INTS9: variants seen among roughly 807,000 people sequenced by gnomAD.
The protein encoded by INTS9 is integrator complex subunit 9.
INTS9 carries 55 observed loss-of-function variants against 79.7 expected under a neutral mutation model. That is an observed-to-expected ratio of 0.69 (90% CI 0.56 to 0.86). INTS9 has a LOEUF of 0.86. INTS9 is among the 40% of genes least tolerant of loss of function. The probability of loss-of-function intolerance (pLI) is 0.00; values close to 1 mark genes in which losing one functional copy is unlikely to be tolerated. For missense variants in INTS9, 721 were observed against 831.5 expected (o/e 0.87, Z 1.64); for synonymous variants, 319 against 325.2 (o/e 0.98, Z 0.20).
intron 7 of INTS9, 145 bp downstream of exon 7, chr8:28,813,347 C>T (rs1182124232): frequency 2.4e-5 from 19 of 788,840 alleles, no homozygotes; most frequent in Non-Finnish European, 3.6e-5. Flanking sequence ...TAAAATCCTG[C>T]GCGGAACGGA....
chr8:28,845,602 T>C (rs1807460097), intron 4 of INTS9, among the ~76,000 whole-genome samples: 1 of 152,216 alleles, frequency 6.6e-6, no homozygotes, highest in Non-Finnish European at 1.5e-5. Flanking sequence ...GTTGCAGTAG[T>C]TGGCGTGACA....
intron 14 of INTS9, among the ~76,000 whole-genome samples, chr8:28,775,394 T>A (rs1802806854): frequency 6.6e-6 from 1 of 152,244 alleles, no homozygotes; most frequent in African/African-American, 2.4e-5. Context: ...TGGAGTGCAG[T>A]GGTGTGATCT....
intron 15 of INTS9, among the ~76,000 whole-genome samples, chr8:28,770,284 T>C (rs1038010983): frequency 2.6e-5 from 4 of 152,266 alleles, no homozygotes; most frequent in Non-Finnish European, 5.9e-5. Flanking sequence ...TTTTAAATTT[T>C]CAGGTGGTTC....
intron 1 of INTS9, among the ~76,000 whole-genome samples, chr8:28,873,484 T>C (rs1310408235): frequency 6.6e-6 from 1 of 152,164 alleles, no homozygotes; most frequent in Admixed American, 6.5e-5. Context: ...AGACATAAGG[T>C]ATAGTTCCAT....
intron 2 of INTS9, among the ~76,000 whole-genome samples, chr8:28,854,541 T>C (rs147072436): frequency 1.3e-5 from 2 of 152,268 alleles, no homozygotes; most frequent in African/African-American, 4.8e-5. Context: ...CAAGGTGCAG[T>C]GTTGCAGGCA....
At position 28,793,934 on chromosome 8, in the gene INTS9, C is replaced by G; in HGVS notation, c.910G>C (p.Val304Leu). ...NVLVPCYPSG[V>L]IYDLLECLYQ... is the part of the protein sequence containing the mutation. ...AGGCACTCCAGGAGGTCATAGATCA[C>G]TCCAGAAGGGTAGCAGGGAACCAAC... is the stretch of plus-strand genomic sequence containing the variant. Residue 304 changes from valine (V) to leucine (L), a missense_variant, in exon 10 of 17, where the codon GTG becomes CTG. By Grantham distance (32) the Val-to-Leu change is conservative. Around this residue, in one of 3 missense-constraint regions of INTS9, gnomAD observed 149 missense variants for 223.7 expected, o/e 0.67. Coordinates refer to ENST00000521022, the MANE Select transcript of INTS9 (RefSeq NM_018250.4). 6.2e-7 allele frequency: 1 copy of G among 1,612,942 alleles called. No homozygotes were observed. Among genetic ancestry groups the G allele is most frequent in the Non-Finnish European group, 8.5e-7 (1 of 1,179,346 alleles).
At chr8:28,841,784 T>C (rs138178260) in intron 4 of INTS9, among the ~76,000 whole-genome samples, 1 of 152,244 alleles carries the variant, frequency 6.6e-6, no homozygotes, top group African/African-American at 2.4e-5. Flanking sequence ...AAAGAAAACG[T>C]TATTAAGAAA....
At chr8:28,781,139 C>T in intron 11 of INTS9, 145 bp from the exon 12 acceptor site, 1 of 635,388 alleles carries the variant, frequency 1.6e-6, no homozygotes, top group South Asian at 2.1e-5. Flanking sequence ...CTGCAAAAGT[C>T]ACACCTGAGA....
intron 10 of INTS9, among the ~76,000 whole-genome samples, chr8:28,792,912 CA>C (rs11404692): frequency 6.1e-4 from 81 of 132,584 alleles, no homozygotes; most frequent in East Asian, 7.6e-4. Context: ...GACTCCGTCT[CA>C]AAAAAAAAAA....
chr8:28,785,840 C>T (rs769924252), intron 11 of INTS9, among the ~76,000 whole-genome samples: 2 of 152,164 alleles, frequency 1.3e-5, no homozygotes, highest in Non-Finnish European at 2.9e-5. Flanking sequence ...ACACCAATAC[C>T]ATCAATTCTA....
At chr8:28,842,104 A>G (rs948311564) in intron 4 of INTS9, among the ~76,000 whole-genome samples, 1 of 152,206 alleles carries the variant, frequency 6.6e-6, no homozygotes, top group African/African-American at 2.4e-5. Context: ...AATCATAAGG[A>G]AAAGTAAATG....
intron 9 of INTS9, 41 bp downstream of exon 9, chr8:28,796,503 A>G (rs1804222379): frequency 9.2e-7 from 1 of 1,087,908 alleles, no homozygotes. Flanking sequence ...AAATAAATGC[A>G]AGATAGATCA....
intron 11 of INTS9, among the ~76,000 whole-genome samples, chr8:28,786,968 T>C (rs561996589): frequency 1.7e-4 from 26 of 152,054 alleles, no homozygotes; most frequent in East Asian, 3.9e-4. Flanking sequence ...CCACCCGCCT[T>C]GGCCTCCCAA....
intron 11 of INTS9, among the ~76,000 whole-genome samples, chr8:28,785,324 C>T (rs1803524733): frequency 6.6e-6 from 1 of 152,142 alleles, no homozygotes; most frequent in Non-Finnish European, 1.5e-5. Context: ...GTTTTAGCAC[C>T]CACTGGTGTT....
chr8:28,770,948 A>G, intron 15 of INTS9, 34 bp downstream of exon 15: 1 of 1,462,962 alleles, frequency 6.8e-7, no homozygotes, highest in Non-Finnish European at 9.5e-7. Flanking sequence ...TGCTGGGGAG[A>G]GGGTCCCCTG....
chr8:28,781,162 C>T (rs1309261000), intron 11 of INTS9, among the ~76,000 whole-genome samples, 168 bp from the exon 12 acceptor site: 1 of 151,944 alleles, frequency 6.6e-6, no homozygotes, highest in Non-Finnish European at 1.5e-5. Context: ...GGACTGTGAC[C>T]CAGAATCTAT....
intron 4 of INTS9, among the ~76,000 whole-genome samples, chr8:28,845,629 C>T (rs980479192): frequency 6.6e-6 from 1 of 152,174 alleles, no homozygotes; most frequent in Non-Finnish European, 1.5e-5. Flanking sequence ...CAACTGAAAA[C>T]AAATGTAGCA....
chr8:28,775,424 C>T (rs1285474295), intron 14 of INTS9, among the ~76,000 whole-genome samples: 1 of 151,806 alleles, frequency 6.6e-6, no homozygotes, highest in African/African-American at 2.4e-5. Flanking sequence ...GCAACCTCCA[C>T]CTCCTGGTTC....
chr8:28,874,768 T>C (rs1216639932), intron 1 of INTS9, among the ~76,000 whole-genome samples: 4 of 152,338 alleles, frequency 2.6e-5, no homozygotes, highest in Middle Eastern at 6.8e-3. Context: ...GCCCCACTTA[T>C]AGTGATCTGT....
Sources: allele counts gnomAD v4.1 joint callset (sites outside exome capture counted in the v4.1 genomes callset), GRCh38; gene constraint gnomAD v4.1.1; regional missense constraint gnomAD v4.1.1; transcripts MANE v1.5; gene names NCBI Gene and HGNC (gene_info 2026-07-23, HGNC 2026-07-21).